PLOD2: variants seen among roughly 807,000 people sequenced by gnomAD.
PLOD2 encodes the protein lysine hydroxylase 2.
PLOD2 carries 65 observed loss-of-function variants against 101.0 expected under a neutral mutation model. That is an observed-to-expected ratio of 0.64 (90% confidence interval 0.53 to 0.79). The LOEUF is 0.79. Among genes scored for constraint, PLOD2 ranks in the 30% least tolerant of loss-of-function variants. The pLI is 0.00. For synonymous variants in PLOD2, 314 were observed against 302.9 expected (o/e 1.04, Z -0.38); for missense variants, 909 against 914.6 (o/e 0.99, Z 0.08).
At chr3:146,136,570 T>C (rs969476469) in intron 1 of PLOD2, among the ~76,000 whole-genome samples, 1 of 152,198 alleles carries the variant, frequency 6.6e-6, no homozygotes, top group Non-Finnish European at 1.5e-5. Flanking sequence ...ATGTGCCACA[T>C]GATGTTCCCA....
At chr3:146,145,875 A>G (rs2108132052) in intron 1 of PLOD2, among the ~76,000 whole-genome samples, 1 of 152,298 alleles carries the variant, frequency 6.6e-6, no homozygotes, top group African/African-American at 2.4e-5. Context: ...GCTGTATAAA[A>G]TAAGAGCACT....
At chr3:146,084,614 G>A (rs1360279386) in intron 11 of PLOD2, among the ~76,000 whole-genome samples, 2 of 151,934 alleles carry the variant, frequency 1.3e-5, no homozygotes, top group Non-Finnish European at 1.5e-5. Context: ...ATTAGCAGTA[G>A]TATTGACAAA....
intron 1 of PLOD2, 27 bp downstream of exon 1, chr3:146,160,854 G>A (rs761109024): frequency 7.0e-7 from 1 of 1,434,030 alleles, no homozygotes; most frequent in Non-Finnish European, 9.6e-7. Context: ...AGCCTCGCGG[G>A]ACAGCGGCGG....
At chr3:146,149,476 A>G (rs1047475862) in intron 1 of PLOD2, among the ~76,000 whole-genome samples, 5 of 152,204 alleles carry the variant, frequency 3.3e-5, no homozygotes, top group African/African-American at 1.2e-4. Flanking sequence ...CCACTCTGCC[A>G]TAACCCATGG....
intron 3 of PLOD2, among the ~76,000 whole-genome samples, chr3:146,114,277 A>G (rs1937793515): frequency 7.0e-6 from 1 of 143,388 alleles, no homozygotes; most frequent in Non-Finnish European, 1.5e-5. Context: ...CACCCTATTC[A>G]TACACTGCCT....
intron 1 of PLOD2, among the ~76,000 whole-genome samples, chr3:146,152,501 T>C (rs1458969049): frequency 6.6e-6 from 1 of 152,146 alleles, no homozygotes; most frequent in Non-Finnish European, 1.5e-5. Context: ...AATATGTCCC[T>C]AAGAAATGAC....
In PLOD2 at chr3:146,161,174, C is replaced by G; in HGVS notation, c.-185G>C. Reference sequence around the variant, plus strand: ...AGCTGAGTGAGGTCGTCGGTGGAGGCACGGAGCAGCAGGCGCCCGGGGCGC... The same window carrying G: ...AGCTGAGTGAGGTCGTCGGTGGAGGGACGGAGCAGCAGGCGCCCGGGGCGC... On this transcript the variant is annotated 5_prime_UTR_variant, in exon 1 of 20. Transcript: ENST00000282903. 1 of 393,256 alleles carries G rather than the reference C, an allele frequency of 2.5e-6. No individual in the cohort carries two copies. The highest frequency in any genetic ancestry group is 4.4e-6 in the Non-Finnish European group (1 of 226,512). 24.4% of individuals were successfully genotyped at this position (393,256 alleles called of 1,614,324 possible). A position where few individuals can be genotyped will look rare whatever the true frequency, so the allele number is the denominator to read the frequency against.
intron 4 of PLOD2, among the ~76,000 whole-genome samples, chr3:146,107,234 CTAGG>C (rs1474076216): frequency 1.3e-5 from 2 of 152,164 alleles, no homozygotes; most frequent in African/African-American, 4.8e-5. Context: ...CATTTTCTGG[CTAGG>C]TTTTTTGTGT....
In PLOD2 at chr3:146,079,165, C is replaced by A. The variant is rs142909885; in HGVS notation, c.1451G>T (p.Arg484Leu). 1.2e-6 allele frequency: 2 copies of A among 1,612,580 alleles called. No individual in the cohort carries two copies. Among genetic ancestry groups the A allele is most frequent in the Non-Finnish European group, 8.5e-7 (1 of 1,178,790 alleles). ...AGCCATATCAGGATCCAGTTTATCA[C>A]GAACAAAATAGTTCCTTTCATTCAT... ...SEMNERNYFV[R>L]DKLDPDMALC... The change falls in exon 13 of 20, where the codon CGT (arginine) becomes CTT (leucine). Residue 484 changes from arginine (R) to leucine (L), a missense_variant. Transcript: ENST00000282903.
intron 13 of PLOD2, among the ~76,000 whole-genome samples, 158 bp from the exon 14 acceptor site, chr3:146,078,082 CA>C (rs1936408420): frequency 6.6e-6 from 1 of 151,830 alleles, no homozygotes. Context: ...ATAGCACACA[CA>C]AAGAAACATC....
chr3:146,151,001 C>G (rs2032031176), intron 1 of PLOD2, among the ~76,000 whole-genome samples: 1 of 152,132 alleles, frequency 6.6e-6, no homozygotes, highest in Non-Finnish European at 1.5e-5. Context: ...AAATCAAAAG[C>G]TAATTAAGAG....
intron 9 of PLOD2, among the ~76,000 whole-genome samples, chr3:146,087,696 A>C (rs1350652350): frequency 6.6e-6 from 1 of 151,874 alleles, no homozygotes; most frequent in Non-Finnish European, 1.5e-5. Context: ...TAAGACAAAA[A>C]CGTCCGCCAT....
chr3:146,121,332 G>A, intron 2 of PLOD2, 84 bp from the exon 3 acceptor site: 1 of 1,104,950 alleles, frequency 9.1e-7, no homozygotes, highest in African/African-American at 1.5e-5. Context: ...TCATCAACTT[G>A]AACAGTACTG....
Position 146,117,006 on chromosome 3 carries a change from G to A in PLOD2, c.338+4106C>T, listed in dbSNP as rs573115119. Among the ~76,000 whole-genome samples the A allele has an allele frequency of 2.6e-5, 4 of 152,132 alleles. No individual in the cohort carries two copies. In the South Asian group the frequency reaches 6.2e-4, roughly 24 times the overall value. On this transcript the variant is annotated intron_variant, in intron 3 of 19. Coordinates refer to ENST00000282903, the MANE Select transcript of PLOD2 (RefSeq NM_182943.3). ...TTTTTAGCATGTCTAAATGGAATACGGGATAATTATGGGGTATTGGAAACA... is the reference window on the plus strand; with the variant it reads ...TTTTTAGCATGTCTAAATGGAATACAGGATAATTATGGGGTATTGGAAACA...
At chr3:146,090,385 C>T (rs1936934708) in intron 8 of PLOD2, among the ~76,000 whole-genome samples, 1 of 151,344 alleles carries the variant, frequency 6.6e-6, no homozygotes, top group Admixed American at 6.6e-5. Context: ...GACAAAACAG[C>T]TTAAGTATTA....
At chr3:146,094,834 G>C (rs1056661798) in intron 7 of PLOD2, among the ~76,000 whole-genome samples, 7 of 152,060 alleles carry the variant, frequency 4.6e-5, no homozygotes, top group Non-Finnish European at 1.0e-4. Flanking sequence ...TACAAGGCTA[G>C]AGTAACCAAA....
chr3:146,153,833 A>C (rs1237566087), intron 1 of PLOD2, among the ~76,000 whole-genome samples: 3 of 151,496 alleles, frequency 2.0e-5, no homozygotes, highest in Non-Finnish European at 4.4e-5. Flanking sequence ...ACAGCACAAA[A>C]AAAAAAAAAA....
At chr3:146,151,833 A>T (rs2032071934) in intron 1 of PLOD2, among the ~76,000 whole-genome samples, 1 of 152,228 alleles carries the variant, frequency 6.6e-6, no homozygotes, top group South Asian at 2.1e-4. Context: ...AAGCAACAGA[A>T]CACAGACTAG....
intron 6 of PLOD2, among the ~76,000 whole-genome samples, chr3:146,103,229 C>A (rs890412429): frequency 1.3e-5 from 2 of 152,122 alleles, no homozygotes; most frequent in African/African-American, 2.4e-5. Flanking sequence ...CAAATGGTAT[C>A]CACGTCTGTC....
Sources: allele counts gnomAD v4.1 joint callset (sites outside exome capture counted in the v4.1 genomes callset), GRCh38; gene constraint gnomAD v4.1.1; transcripts MANE v1.5; gene names NCBI Gene and HGNC (gene_info 2026-07-23, HGNC 2026-07-21).